Variants in RHOBTB1 observed in about 807,000 individuals in gnomAD.
RHOBTB1 encodes the protein Rho related BTB domain containing 1.
A neutral mutation model predicts 71.6 loss-of-function variants in RHOBTB1; 40 were observed. That is an observed-to-expected ratio of 0.56 (90% CI 0.43 to 0.73). The LOEUF is 0.73. Ranked by LOEUF, RHOBTB1 falls within the 30% of genes least tolerant of loss-of-function variation. The pLI, the probability that RHOBTB1 is intolerant of heterozygous loss-of-function variation, is 0.00. For synonymous variants in RHOBTB1, 319 were observed against 334.9 expected (o/e 0.95, Z 0.52); for missense variants, 797 against 894.0 (o/e 0.89, Z 1.38).
intron 10 of RHOBTB1, 54 bp downstream of exon 10, chr10:60,872,131 G>A: frequency 7.7e-7 from 1 of 1,292,154 alleles, no homozygotes; most frequent in South Asian, 1.2e-5. Context: ...GAAGATAAAA[G>A]CTTCCATGAG....
chr10:60,966,422 C>T (rs549226722), intron 2 of RHOBTB1, among the ~76,000 whole-genome samples: 3 of 151,678 alleles, frequency 2.0e-5, no homozygotes, highest in East Asian at 2.0e-4. Flanking sequence ...GTAATCCCAG[C>T]GCTTTGGGAG....
At chr10:60,989,712 A>G (rs1241136850) in intron 1 of RHOBTB1, among the ~76,000 whole-genome samples, 1 of 152,172 alleles carries the variant, frequency 6.6e-6, no homozygotes, top group Non-Finnish European at 1.5e-5. Flanking sequence ...AAGCAGAAGC[A>G]GGAAGGAAAA....
chr10:60,911,577 A>G (rs1290841193), intron 2 of RHOBTB1, 25 bp from the exon 3 acceptor site: 1 of 1,584,508 alleles, frequency 6.3e-7, no homozygotes, highest in East Asian at 2.2e-5. Context: ...TGAACACCAC[A>G]GTAAGGACAC....
chr10:60,996,063 G>A (rs2087037300), intron 1 of RHOBTB1, among the ~76,000 whole-genome samples: 1 of 152,158 alleles, frequency 6.6e-6, no homozygotes. Context: ...AGGAGATGGG[G>A]ACTCACAGAA....
rs202231960 is a variant in RHOBTB1 at position 60,911,323 on chromosome 10, G to T, written c.192+28C>A. 3.8e-6 allele frequency: 6 copies of T among 1,588,230 alleles called. No individual in the cohort carries two copies. In the Admixed American group the frequency reaches 1.0e-4, roughly 27 times the overall value. On this transcript the variant is annotated intron_variant, in intron 3 of 10. Coordinates refer to ENST00000337910, the MANE Select transcript of RHOBTB1 (RefSeq NM_014836.5). Reference sequence around the variant, plus strand: ...GCAACCAGCAATGATGTGCCCTAGGGATGCTGAAGACACTCTGTGCATCTT... The same window carrying T: ...GCAACCAGCAATGATGTGCCCTAGGTATGCTGAAGACACTCTGTGCATCTT...
intron 2 of RHOBTB1, among the ~76,000 whole-genome samples, chr10:60,980,051 A>G (rs565588995): frequency 2.2e-4 from 34 of 152,308 alleles, no homozygotes; most frequent in African/African-American, 8.2e-4. Context: ...ACAGGGAGCC[A>G]ATGGAGGTTC....
chr10:60,920,371 TG>T (rs1418751964), intron 2 of RHOBTB1, among the ~76,000 whole-genome samples: 1 of 151,762 alleles, frequency 6.6e-6, no homozygotes, highest in East Asian at 1.9e-4. Context: ...AAGGGCAGAC[TG>T]GGTGACCTGT....
rs570288064 is a variant in RHOBTB1 at position 60,961,982 on chromosome 10, A to G, written c.-61-20128T>C. Among the ~76,000 whole-genome samples, 642 of 151,946 alleles carry G rather than the reference A, an allele frequency of 4.2e-3. 1 individual carries two copies. The highest frequency in any genetic ancestry group is 7.1e-3 in the Non-Finnish European group (480 of 67,922). On this transcript the variant is annotated intron_variant, in intron 2 of 11. Transcript: ENST00000357917. ...ACTACCACGCCTGGATAATTTTTGTATTTTTAATAGAGATGGAGTTTCACC... is the reference window on the plus strand; with the variant it reads ...ACTACCACGCCTGGATAATTTTTGTGTTTTTAATAGAGATGGAGTTTCACC...
chr10:60,963,872 C>A (rs1299988984), intron 2 of RHOBTB1, among the ~76,000 whole-genome samples: 1 of 152,078 alleles, frequency 6.6e-6, no homozygotes, highest in Non-Finnish European at 1.5e-5. Flanking sequence ...TTAGGTAACT[C>A]CTCAGTGAAT....
chr10:60,920,041 A>G (rs2083470188), intron 2 of RHOBTB1, among the ~76,000 whole-genome samples: 1 of 152,232 alleles, frequency 6.6e-6, no homozygotes, highest in Admixed American at 6.5e-5. Flanking sequence ...ACATGGGTCT[A>G]CTTTCTTCTA....
intron 2 of RHOBTB1, among the ~76,000 whole-genome samples, chr10:60,923,976 T>C (rs2083714121): frequency 6.6e-6 from 1 of 152,160 alleles, no homozygotes; most frequent in Admixed American, 6.5e-5. Flanking sequence ...ATAGTATGTG[T>C]TCCTGAAGAA....
chr10:61,001,440 C>A (rs1420056597), exon 1 of RHOBTB1: 1 of 151,520 alleles, frequency 6.6e-6, no homozygotes, highest in Non-Finnish European at 1.5e-5. Context: ...TGGGTCCCGC[C>A]GGGCGGCCGA....
rs74793386 is a variant in RHOBTB1, at chr10:60,985,158, G to A, written c.-62+687C>T. Among the ~76,000 whole-genome samples the A allele has an allele frequency of 1.7e-3, 260 of 152,180 alleles. 1 individual carries two copies. Among genetic ancestry groups the A allele is most frequent in the Non-Finnish European group, 3.2e-3 (217 of 67,990 alleles). ...GAGTTTTCCTTTTAAATATGCATTA[G>A]AACATATAAACATATGAAGAAAAAT... On this transcript the variant is annotated intron_variant, in intron 2 of 11. Transcript: ENST00000357917.
At chr10:60,948,668 G>C (rs549273947), upstream of RHOBTB1, among the ~76,000 whole-genome samples, 1 of 152,284 alleles carries the variant, frequency 6.6e-6, no homozygotes, top group Admixed American at 6.5e-5. Flanking sequence ...GTACTAACAG[G>C]GGTTTGAAGC....
intron 4 of RHOBTB1, among the ~76,000 whole-genome samples, chr10:60,905,466 A>G (rs1253328262): frequency 2.6e-5 from 4 of 151,348 alleles, no homozygotes; most frequent in Non-Finnish European, 5.9e-5. Flanking sequence ...AAAAAAAAAA[A>G]AAAAAAAAAT....
At chr10:60,936,437 T>C (rs757052446) in intron 2 of RHOBTB1, among the ~76,000 whole-genome samples, 4 of 152,252 alleles carry the variant, frequency 2.6e-5, no homozygotes, top group African/African-American at 4.8e-5. Context: ...TGCACATACA[T>C]GCATTTTACT....
intron 4 of RHOBTB1, among the ~76,000 whole-genome samples, chr10:60,901,373 G>A (rs762163733): frequency 1.2e-4 from 18 of 152,200 alleles, no homozygotes; most frequent in East Asian, 9.7e-4. Context: ...TTCTGTAACC[G>A]TTAAGTGCCA....
At chr10:60,902,962 T>C (rs1013533270) in intron 4 of RHOBTB1, among the ~76,000 whole-genome samples, 18 of 152,108 alleles carry the variant, frequency 1.2e-4, no homozygotes, top group African/African-American at 3.6e-4. Context: ...GTCCTAAATA[T>C]ACTAGGATAA....
At chr10:60,924,656 C>T (rs919613628) in intron 2 of RHOBTB1, among the ~76,000 whole-genome samples, 3 of 152,280 alleles carry the variant, frequency 2.0e-5, no homozygotes, top group East Asian at 1.9e-4. Flanking sequence ...ACCTAACAGA[C>T]ATTTACAGAA....
Sources: allele counts gnomAD v4.1 joint callset (sites outside exome capture counted in the v4.1 genomes callset), GRCh38; gene constraint gnomAD v4.1.1; transcripts MANE v1.5; gene names NCBI Gene and HGNC (gene_info 2026-07-23, HGNC 2026-07-21).